Variants in PSMD13 observed in about 807,000 individuals in gnomAD.
The protein encoded by PSMD13 is proteasome 26S subunit, non-ATPase 13, also known as 26S proteasome non-ATPase regulatory subunit 13.
PSMD13 carries 8 observed loss-of-function variants against 57.4 expected under a neutral mutation model. That is an observed-to-expected ratio of 0.14 (90% CI 0.08 to 0.25). The LOEUF (loss-of-function observed/expected upper bound fraction) is 0.25. Ranked by LOEUF, PSMD13 falls within the 10% of genes least tolerant of loss-of-function variation. The pLI is 1.00. For synonymous variants in PSMD13, 193 were observed against 168.2 expected (o/e 1.15, Z -1.14); for missense variants, 400 against 461.5 (o/e 0.87, Z 1.22).
chr11:241,011 T>C (rs979255038), intron 2 of PSMD13, among the ~76,000 whole-genome samples: 14 of 152,122 alleles, frequency 9.2e-5, no homozygotes, highest in African/African-American at 3.4e-4. Context: ...TTTGTATTTT[T>C]AGTAGAGACA....
rs142580041 is a variant in PSMD13 at position 249,591 on chromosome 11, G to A, written c.774+534G>A. Among the ~76,000 whole-genome samples, 18 of 93,564 alleles carry A rather than the reference G, an allele frequency of 1.9e-4. 1 individual carries two copies. The highest frequency in any genetic ancestry group is 1.6e-4 in the Non-Finnish European group (6 of 36,684). The allele number at this position is 93,564 out of a possible 152,430, so 61.4% of individuals were successfully genotyped here. A position where few individuals can be genotyped will look rare whatever the true frequency, so the allele number is the denominator to read the frequency against. ...CGGGGAGGGGGAGAGCGGCGGGTGCGGGGAGGGGGAGAGCGGCGGGTGCGG... is the reference window on the plus strand; with the variant it reads ...CGGGGAGGGGGAGAGCGGCGGGTGCAGGGAGGGGGAGAGCGGCGGGTGCGG... On this transcript the variant is annotated intron_variant, in intron 9 of 12. Coordinates refer to ENST00000532097, the MANE Select transcript of PSMD13 (RefSeq NM_002817.4).
intron 2 of PSMD13, 69 bp downstream of exon 2, chr11:239,145 T>G (rs1453510002): frequency 7.6e-7 from 1 of 1,315,384 alleles, no homozygotes; most frequent in African/African-American, 1.5e-5. Context: ...TAAGATAGGC[T>G]TTATGCTAAT....
At position 247,468 on chromosome 11, in the gene PSMD13, C is replaced by G; in HGVS notation, c.568+20C>G. ...TACCAGGTAACCTAGGCCATTAAATCCATGTCACACAGGAGCATATTCTCC... is the reference window on the plus strand; with the variant it reads ...TACCAGGTAACCTAGGCCATTAAATGCATGTCACACAGGAGCATATTCTCC... On this transcript the variant is annotated intron_variant, in intron 7 of 12. Transcript: ENST00000532097. The G allele has an allele frequency of 6.2e-7, 1 of 1,605,660 alleles. No individual in the cohort carries two copies. The highest frequency in any genetic ancestry group is 1.1e-5 in the South Asian group (1 of 90,030).
intron 2 of PSMD13, among the ~76,000 whole-genome samples, chr11:239,811 T>C (rs1033085858): frequency 1.3e-5 from 2 of 152,150 alleles, no homozygotes; most frequent in Admixed American, 6.6e-5. Context: ...TCTTACTCTA[T>C]GATGGCTTTC....
In PSMD13 at chr11:252,915, C is replaced by T. The variant is rs1859798313; in HGVS notation, c.*315C>T. ...TCCGAGGTGGATCTCCATCCCCATCCACCTGTACGGACATCTTTTCCGTTG... is the reference window on the plus strand; with the variant it reads ...TCCGAGGTGGATCTCCATCCCCATCTACCTGTACGGACATCTTTTCCGTTG... On this transcript the variant is annotated 3_prime_UTR_variant, in exon 13 of 13. Coordinates refer to ENST00000532097, the MANE Select transcript of PSMD13 (RefSeq NM_002817.4). This position sits in a 1 kb window ranked among gnomAD's most constrained non-coding sequence, Gnocchi z 4.1. The T allele has an allele frequency of 3.5e-6, 1 of 285,582 alleles. No homozygotes were observed. 17.7% of individuals were successfully genotyped at this position (285,582 alleles called of 1,614,324 possible). A position where few individuals can be genotyped will look rare whatever the true frequency, so the allele number is the denominator to read the frequency against.
intron 6 of PSMD13, 87 bp from the exon 7 acceptor site, chr11:247,190 C>G: frequency 7.3e-7 from 1 of 1,378,164 alleles, no homozygotes; most frequent in African/African-American, 1.5e-5. Context: ...CAAGACCACC[C>G]TAGGCAACAG....
At position 245,685 on chromosome 11, in the gene PSMD13, CAT is replaced by C. The variant is rs1564822080; in HGVS notation, c.396+925_396+926del. Among the ~76,000 whole-genome samples the C allele has an allele frequency of 5.1e-5, 3 of 58,768 alleles. 1 individual carries two copies. Among genetic ancestry groups the C allele is most frequent in the Non-Finnish European group, 1.0e-4 (3 of 29,424 alleles). 38.6% of individuals were successfully genotyped at this position (58,768 alleles called of 152,430 possible). The stretch of plus-strand genomic sequence containing the variant: ...GTGTGTGTGTGTGTGTGTGTGTTTG[CAT>C]GTGTGTTCGTGTGTTTGTGTGTGTT... On this transcript the variant is annotated intron_variant, in intron 6 of 12. Coordinates refer to ENST00000532097, the MANE Select transcript of PSMD13 (RefSeq NM_002817.4).
chr11:251,074 C>CA lies in PSMD13; in HGVS notation c.837+210dup. On this transcript the variant is annotated intron_variant, in intron 10 of 12. Transcript: ENST00000532097. This position sits in a 1 kb window ranked among gnomAD's most constrained non-coding sequence, Gnocchi z 4.6. Reference sequence around the variant, plus strand: ...GCTCTTAGCTCAGACGACACCCTCCCACCCCACTGCCACCACCCTGAGGCC... The same window carrying CA: ...GCTCTTAGCTCAGACGACACCCTCCCAACCCCACTGCCACCACCCTGAGGCC... 2 of 559,822 alleles carry CA rather than the reference C, an allele frequency of 3.6e-6. No individual in the cohort carries two copies. Among genetic ancestry groups the CA allele is most frequent in the South Asian group, 2.1e-5 (1 of 47,844 alleles). The allele number at this position is 559,822 out of a possible 1,614,324, so 34.7% of individuals were successfully genotyped here.
In PSMD13 at chr11:237,031, CGG is replaced by C; in HGVS notation, c.-15_-14del. 6.3e-7 allele frequency: 1 copy of C among 1,595,862 alleles called. No homozygotes were observed. Among genetic ancestry groups the C allele is most frequent in the African/African-American group, 1.3e-5 (1 of 74,658 alleles). ...TGACATCCCGGTTGTTCTTCTGTGC[CGG>C]GGGTCTTCCTGCTGTCATGAAGGAC... On this transcript the variant is annotated 5_prime_UTR_variant, in exon 1 of 13. Coordinates refer to ENST00000532097, the MANE Select transcript of PSMD13 (RefSeq NM_002817.4).
At chr11:244,989 G>A (rs1428809719) in intron 6 of PSMD13, among the ~76,000 whole-genome samples, 2 of 147,084 alleles carry the variant, frequency 1.4e-5, no homozygotes, top group African/African-American at 2.5e-5. Flanking sequence ...TTCCCAGGCT[G>A]GAGTGCAATG....
intron 6 of PSMD13, 51 bp from the exon 7 acceptor site, chr11:247,226 A>G (rs536743789): frequency 6.5e-7 from 1 of 1,545,860 alleles, no homozygotes; most frequent in East Asian, 2.3e-5. Context: ...CTAAAAAAAT[A>G]AAATAAACTT....
chr11:250,507 C>G (rs1859747808), intron 9 of PSMD13, among the ~76,000 whole-genome samples: 1 of 152,176 alleles, frequency 6.6e-6, no homozygotes. Context: ...CTCGAAATGC[C>G]CGTACCCTGT....
At chr11:240,925 G>A (rs1293716198) in intron 2 of PSMD13, among the ~76,000 whole-genome samples, 1 of 149,956 alleles carries the variant, frequency 6.7e-6, no homozygotes, top group Admixed American at 6.6e-5. Flanking sequence ...TCCTCCTCCC[G>A]GGTTCCAGTG....
intron 1 of PSMD13, 115 bp downstream of exon 1, chr11:237,259 G>A (rs900578367): frequency 8.3e-6 from 8 of 963,504 alleles, no homozygotes; most frequent in Non-Finnish European, 1.1e-5. Context: ...AAGTTGGGGG[G>A]AAACGGGGAC....
At chr11:244,862 AT>A in intron 6 of PSMD13, 101 bp downstream of exon 6, 1 of 966,952 alleles carries the variant, frequency 1.0e-6, no homozygotes, top group Non-Finnish European at 1.5e-6. Flanking sequence ...ATTTTAAAAC[AT>A]TTTTACATTA....
chr11:245,411 A>T (rs1332397607), intron 6 of PSMD13, among the ~76,000 whole-genome samples: 1 of 152,230 alleles, frequency 6.6e-6, no homozygotes, highest in Non-Finnish European at 1.5e-5. Flanking sequence ...ACATGGCCTC[A>T]GTCAGCCCAA....
chr11:252,818 G>A lies in PSMD13; in HGVS notation c.*218G>A, dbSNP rs1045502. 45,127 of 531,900 alleles carry A rather than the reference G, an allele frequency of 0.085. 2,258 individuals are homozygous for A. The highest frequency in any genetic ancestry group is 0.093 in the Non-Finnish European group (27,488 of 294,204). 32.9% of individuals were successfully genotyped at this position (531,900 alleles called of 1,614,324 possible). ...TGTGGGTCTCTCCTGCAGAGGGTGG[G>A]GGTCTCAGGGTCTTAGGTGATACGG... On this transcript the variant is annotated 3_prime_UTR_variant, in exon 13 of 13. Transcript: ENST00000532097. This position sits in a 1 kb window ranked among gnomAD's most constrained non-coding sequence, Gnocchi z 4.1.
chr11:247,404 A>G lies in PSMD13; in HGVS notation c.524A>G (p.Asp175Gly). 1.2e-6 allele frequency: 2 copies of G among 1,614,162 alleles called. No homozygotes were observed. Among genetic ancestry groups the G allele is most frequent in the South Asian group, 2.2e-5 (2 of 91,080 alleles). Residue 175 changes from aspartate (D) to glycine (G), a missense_variant, in exon 7 of 13, where the codon GAT (aspartate) becomes GGT (glycine). By Grantham distance (94) the Asp-to-Gly change is moderately conservative. Transcript: ENST00000532097. ...TIGNHASYYK[D>G]ALRFLGCVDI... ...GGAAACCACGCGTCCTACTACAAAG[A>G]TGCTCTGCGGTTTTTGGGCTGTGTT...
intron 2 of PSMD13, among the ~76,000 whole-genome samples, chr11:239,535 C>G (rs986644378): frequency 5.9e-5 from 9 of 152,128 alleles, no homozygotes; most frequent in Admixed American, 5.9e-4. Context: ...CATCACTCCC[C>G]TTCTTTAAGC....
Sources: allele counts gnomAD v4.1 joint callset (sites outside exome capture counted in the v4.1 genomes callset), GRCh38; gene constraint gnomAD v4.1.1; non-coding constraint Gnocchi (gnomAD v3.1); transcripts MANE v1.5; gene names NCBI Gene and HGNC (gene_info 2026-07-23, HGNC 2026-07-21).